Variants in TMEM245 observed in about 807,000 individuals in gnomAD.
The protein encoded by TMEM245 is protein CG-2.
TMEM245 carries 69 observed loss-of-function variants against 101.2 expected under a neutral mutation model. The observed-to-expected ratio is 0.68, with a 90% confidence interval of 0.56 to 0.83. The LOEUF (loss-of-function observed/expected upper bound fraction) is 0.83. TMEM245 is among the 40% of genes least tolerant of loss of function. The pLI is 0.00. For synonymous variants in TMEM245, 537 were observed against 449.8 expected (o/e 1.19, Z -2.45); for missense variants, 1,075 against 1,092.8 (o/e 0.98, Z 0.23).
In TMEM245 at chr9:109,020,373, A is replaced by C. The variant is rs1357611857; in HGVS notation, c.*87T>G. On this transcript the variant is annotated 3_prime_UTR_variant, in exon 18 of 18. Coordinates refer to ENST00000374586, the MANE Select transcript of TMEM245 (RefSeq NM_032012.4). ...CTTTCCTGGGTTTTGCTTGCTAGGC[A>C]CAGCTGGAAGGGCAGAGGGCCACAG... The C allele has an allele frequency of 1.5e-6, 2 of 1,336,504 alleles. No individual in the cohort carries two copies. Among genetic ancestry groups the C allele is most frequent in the Admixed American group, 1.7e-5 (1 of 59,620 alleles). The allele number at this position is 1,336,504 out of a possible 1,614,324, so 82.8% of individuals were successfully genotyped here.
intron 1 of TMEM245, among the ~76,000 whole-genome samples, chr9:109,110,202 G>A (rs1830532151): frequency 6.6e-6 from 1 of 152,112 alleles, no homozygotes; most frequent in South Asian, 2.1e-4. Flanking sequence ...TCTGATTGCA[G>A]AGCATAGAAA....
At chr9:109,114,448 T>A (rs927390830) in intron 1 of TMEM245, among the ~76,000 whole-genome samples, 1 of 152,138 alleles carries the variant, frequency 6.6e-6, no homozygotes, top group African/African-American at 2.4e-5. Flanking sequence ...TAGAAATTGT[T>A]CAAGCCAACC....
chr9:109,048,920 G>C (rs1828585649), intron 14 of TMEM245, among the ~76,000 whole-genome samples: 1 of 152,202 alleles, frequency 6.6e-6, no homozygotes, highest in Admixed American at 6.5e-5. Context: ...CAACGATTCT[G>C]CATTTCCAGT....
chr9:109,061,605 C>T (rs1266005991), intron 10 of TMEM245, among the ~76,000 whole-genome samples: 1 of 152,028 alleles, frequency 6.6e-6, no homozygotes, highest in Non-Finnish European at 1.5e-5. Context: ...CTTGCTCTGT[C>T]ACCCAGGCTG....
intron 8 of TMEM245, among the ~76,000 whole-genome samples, chr9:109,077,203 T>C (rs965523167): frequency 6.6e-6 from 1 of 152,014 alleles, no homozygotes; most frequent in Non-Finnish European, 1.5e-5. Flanking sequence ...CAGGCTGACA[T>C]GCAGTGGCAC....
At chr9:109,106,325 TA>T (rs1830423217) in intron 3 of TMEM245, among the ~76,000 whole-genome samples, 182 bp downstream of exon 3, 1 of 151,982 alleles carries the variant, frequency 6.6e-6, no homozygotes, top group African/African-American at 2.4e-5. Flanking sequence ...CATGCCTCAA[TA>T]AAATAATACC....
At chr9:109,055,942 T>C (rs1238271206) in intron 12 of TMEM245, among the ~76,000 whole-genome samples, 3 of 152,134 alleles carry the variant, frequency 2.0e-5, no homozygotes, top group Non-Finnish European at 2.9e-5. Flanking sequence ...CCTCAATCAC[T>C]GTTTCAAAGG....
chr9:109,071,017 G>C (rs964048855), intron 9 of TMEM245, among the ~76,000 whole-genome samples: 1 of 152,052 alleles, frequency 6.6e-6, no homozygotes, highest in Non-Finnish European at 1.5e-5. Flanking sequence ...AAGTACCTGG[G>C]ATTACAGGTG....
At chr9:109,083,272 T>C (rs889990085) in intron 7 of TMEM245, among the ~76,000 whole-genome samples, 7 of 151,904 alleles carry the variant, frequency 4.6e-5, no homozygotes, top group East Asian at 1.9e-4. Context: ...CTCGGAGAGA[T>C]AGGAAGAGAA....
chr9:109,104,404 C>T (rs1189178947), intron 3 of TMEM245, among the ~76,000 whole-genome samples: 3 of 152,044 alleles, frequency 2.0e-5, no homozygotes, highest in Non-Finnish European at 4.4e-5. Context: ...ATGCATCCCA[C>T]GCTCATAAAT....
Position 109,108,506 on chromosome 9 carries a change from C to T in TMEM245, c.644G>A (p.Arg215His), listed in dbSNP as rs1322071395. The change falls in exon 2 of 18, where the codon CGC (arginine) becomes CAC (histidine). Residue 215 changes from arginine (R) to histidine (H), a missense_variant. This residue lies in a region of TMEM245 where 808 missense variants were observed against 741.5 expected (regional missense o/e 1.09). Coordinates refer to ENST00000374586, the MANE Select transcript of TMEM245 (RefSeq NM_032012.4). ...AGGAATTGAAACTGCTCTCAAGTAG[C>T]GTTCAGTGCTTGCATTCCACTTGAA... ...VSFKWNASTE[R>H]YLRAVSIPVW... The T allele has an allele frequency of 4.4e-6, 7 of 1,606,934 alleles. No individual in the cohort carries two copies. The highest frequency in any genetic ancestry group is 4.0e-5 in the African/African-American group (3 of 74,368).
At chr9:109,039,840 A>T (rs1177626896) in intron 14 of TMEM245, among the ~76,000 whole-genome samples, 3 of 152,142 alleles carry the variant, frequency 2.0e-5, no homozygotes, top group Non-Finnish European at 4.4e-5. Context: ...ATAATCGACC[A>T]CAGAGAAAAA....
At chr9:109,117,679 G>C (rs114118221) in intron 1 of TMEM245, among the ~76,000 whole-genome samples, 1 of 152,158 alleles carries the variant, frequency 6.6e-6, no homozygotes, top group Non-Finnish European at 1.5e-5. Flanking sequence ...AATTACTTAG[G>C]TATTCAACTT....
At chr9:109,106,012 T>A (rs1588078937) in intron 3 of TMEM245, among the ~76,000 whole-genome samples, 3 of 152,260 alleles carry the variant, frequency 2.0e-5, no homozygotes, top group Non-Finnish European at 4.4e-5. Context: ...GACCTCGTGA[T>A]CCGCTTGCCT....
intron 9 of TMEM245, among the ~76,000 whole-genome samples, chr9:109,065,743 T>G (rs552931311): frequency 6.6e-5 from 10 of 152,228 alleles, no homozygotes; most frequent in African/African-American, 2.2e-4. Flanking sequence ...GATGTTGACA[T>G]TCACAAATTT....
chr9:109,088,788 C>A (rs897262437), intron 5 of TMEM245, among the ~76,000 whole-genome samples: 8 of 145,320 alleles, frequency 5.5e-5, no homozygotes, highest in African/African-American at 1.8e-4. Context: ...TGCACTCCAG[C>A]CTGGGCAACA....
At position 109,119,506 on chromosome 9, in the gene TMEM245, C is replaced by G; in HGVS notation, c.408G>C (p.Glu136Asp). ...LPLCFVDYGV[E>D]ALGEQALRRR... ...GGCGCAGCGCCTGCTCGCCCAGGGC[C>G]TCGACGCCGTAGTCGACGAAGCAGA... Residue 136 changes from glutamate (E) to aspartate (D), a missense_variant, in exon 1 of 18, where the codon GAG becomes GAC. By Grantham distance (45) the Glu-to-Asp change is conservative. Transcript: ENST00000374586. 1.3e-6 allele frequency: 2 copies of G among 1,514,746 alleles called. No homozygotes were observed. The highest frequency in any genetic ancestry group is 1.4e-5 in the African/African-American group (1 of 69,784). 93.8% of individuals were successfully genotyped at this position (1,514,746 alleles called of 1,614,324 possible).
At chr9:109,023,276 C>T (rs1440606104) in intron 17 of TMEM245, among the ~76,000 whole-genome samples, 2 of 152,174 alleles carry the variant, frequency 1.3e-5, no homozygotes, top group Non-Finnish European at 2.9e-5. Flanking sequence ...CTTGAACAAA[C>T]CTCTAATTAT....
intron 7 of TMEM245, among the ~76,000 whole-genome samples, chr9:109,081,567 A>G (rs1427683187): frequency 2.0e-5 from 3 of 152,154 alleles, no homozygotes; most frequent in Non-Finnish European, 4.4e-5. Flanking sequence ...TGAATGCACA[A>G]TCAAGGAGGG....
Sources: allele counts gnomAD v4.1 joint callset (sites outside exome capture counted in the v4.1 genomes callset), GRCh38; gene constraint gnomAD v4.1.1; regional missense constraint gnomAD v4.1.1; transcripts MANE v1.5; gene names NCBI Gene and HGNC (gene_info 2026-07-23, HGNC 2026-07-21).